Variants in USP3 observed in about 807,000 individuals in gnomAD.
USP3 encodes ubiquitin carboxyl-terminal hydrolase 3.
In USP3, 20 loss-of-function variants were observed where a neutral mutation model predicts 72.3. That is an observed-to-expected ratio of 0.28 (90% CI 0.19 to 0.40). The LOEUF (loss-of-function observed/expected upper bound fraction) is 0.40. USP3 is among the 10% of genes least tolerant of loss of function. The pLI is 1.00. For synonymous variants in USP3, 222 were observed against 225.3 expected (o/e 0.99, Z 0.13); for missense variants, 479 against 633.9 (o/e 0.76, Z 2.62).
At chr15:63,521,801 G>C (rs937215573) in intron 1 of USP3, among the ~76,000 whole-genome samples, 3 of 152,142 alleles carry the variant, frequency 2.0e-5, no homozygotes, top group African/African-American at 7.2e-5. Flanking sequence ...ATGGCAGTAG[G>C]ACAAGACAAT....
At chr15:63,545,863 C>T (rs985633134) in intron 3 of USP3, among the ~76,000 whole-genome samples, 2 of 144,420 alleles carry the variant, frequency 1.4e-5, no homozygotes, top group South Asian at 2.2e-4. Context: ...CTCAGCTACT[C>T]GGGAGGCTGA....
At chr15:63,505,256 GC>G (rs1487660604) in intron 1 of USP3, among the ~76,000 whole-genome samples, 1 of 152,118 alleles carries the variant, frequency 6.6e-6, no homozygotes, top group Non-Finnish European at 1.5e-5. Context: ...GCGCTTCTCC[GC>G]AGACAGGGCG....
chr15:63,542,051 T>A, intron 3 of USP3: 1 of 985,306 alleles, frequency 1.0e-6, no homozygotes, highest in Non-Finnish European at 1.2e-6. Context: ...CCTCCTTGTT[T>A]CAGATGAGTG....
intron 1 of USP3, among the ~76,000 whole-genome samples, chr15:63,507,440 G>A (rs1056296699): frequency 8.5e-5 from 13 of 152,164 alleles, no homozygotes; most frequent in African/African-American, 2.4e-4. Flanking sequence ...TTGCTGTTAG[G>A]ATGAACAAGG....
At chr15:63,580,247 A>G (rs2066931315) in intron 11 of USP3, among the ~76,000 whole-genome samples, 1 of 152,176 alleles carries the variant, frequency 6.6e-6, no homozygotes, top group Non-Finnish European at 1.5e-5. Context: ...TTTGTGTAAG[A>G]TAAAAAACAT....
At chr15:63,562,258 A>G (rs1468596628) in intron 7 of USP3, among the ~76,000 whole-genome samples, 1 of 152,232 alleles carries the variant, frequency 6.6e-6, no homozygotes, top group Non-Finnish European at 1.5e-5. Context: ...CGTTCTATTC[A>G]TATGCGAGAA....
At chr15:63,549,597 T>A (rs2066406086) in intron 3 of USP3, among the ~76,000 whole-genome samples, 1 of 152,226 alleles carries the variant, frequency 6.6e-6, no homozygotes, top group Non-Finnish European at 1.5e-5. Flanking sequence ...TGCATGTTAA[T>A]TCATGTTGAA....
At chr15:63,569,642 GCTTT>G (rs932379472) in intron 8 of USP3, among the ~76,000 whole-genome samples, 3 of 152,086 alleles carry the variant, frequency 2.0e-5, no homozygotes, top group Admixed American at 1.3e-4. Flanking sequence ...ATATAGCAAT[GCTTT>G]CTTTATTTCA....
At chr15:63,541,733 G>T (rs143882914) in intron 3 of USP3, among the ~76,000 whole-genome samples, 1 of 152,222 alleles carries the variant, frequency 6.6e-6, no homozygotes, top group African/African-American at 2.4e-5. Context: ...TTTGAAATAG[G>T]TGAAGTCACT....
intron 1 of USP3, among the ~76,000 whole-genome samples, chr15:63,522,772 C>A (rs2065936392): frequency 6.6e-6 from 1 of 152,180 alleles, no homozygotes; most frequent in Admixed American, 6.5e-5. Context: ...AAGAACTTAG[C>A]ATCTTTGTTC....
chr15:63,589,242 C>T (rs765229063), intron 14 of USP3: 9 of 556,664 alleles, frequency 1.6e-5, no homozygotes, highest in African/African-American at 9.4e-5. Context: ...CCAGTATTTA[C>T]GACCCAGTCT....
intron 1 of USP3, among the ~76,000 whole-genome samples, chr15:63,512,343 CCTCCTCTTCCTCTTCT>C (rs1567089087): frequency 7.8e-4 from 57 of 73,060 alleles, no homozygotes; most frequent in Non-Finnish European, 1.6e-3. Context: ...TCCTCCTCTT[CCTCCTCTTCCTCTTCT>C]TCTTCTTTCT....
At chr15:63,581,345 TTGTGTGTGTGTG>T (rs59188081) in intron 11 of USP3, among the ~76,000 whole-genome samples, 3,283 of 130,120 alleles carry the variant, frequency 0.025, 62 homozygotes, top group South Asian at 0.035. Context: ...GTGTTGGTTT[TTGTGTGTGTGTG>T]TGTGTGTGTG....
chr15:63,505,228 T>C (rs2065694963), intron 1 of USP3, among the ~76,000 whole-genome samples: 1 of 152,004 alleles, frequency 6.6e-6, no homozygotes, highest in Non-Finnish European at 1.5e-5. Context: ...CGGCCGCACG[T>C]GTGGCGGGGC....
At chr15:63,551,127 A>G (rs966682285) in intron 3 of USP3, among the ~76,000 whole-genome samples, 1 of 152,220 alleles carries the variant, frequency 6.6e-6, no homozygotes, top group Admixed American at 6.5e-5. Flanking sequence ...AATTTTATCA[A>G]TTATTTTTTG....
intron 11 of USP3, among the ~76,000 whole-genome samples, chr15:63,579,358 T>C (rs1347504021): frequency 2.0e-5 from 3 of 152,196 alleles, no homozygotes; most frequent in Non-Finnish European, 4.4e-5. Flanking sequence ...GGTAGAAACA[T>C]AGCAGTGGGA....
At chr15:63,583,975 T>C (rs867557200) in intron 11 of USP3, among the ~76,000 whole-genome samples, 1 of 152,148 alleles carries the variant, frequency 6.6e-6, no homozygotes, top group African/African-American at 2.4e-5. Flanking sequence ...CTTTTGGGTA[T>C]ATACCTAAGA....
At chr15:63,536,006 G>A (rs1262390083) in intron 2 of USP3, among the ~76,000 whole-genome samples, 1 of 152,210 alleles carries the variant, frequency 6.6e-6, no homozygotes, top group Non-Finnish European at 1.5e-5. Context: ...TGACAGAATT[G>A]TGCAGTCTCT....
intron 5 of USP3, 182 bp downstream of exon 5, chr15:63,556,930 C>A: frequency 1.9e-6 from 1 of 517,520 alleles, no homozygotes; most frequent in Non-Finnish European, 3.5e-6. Context: ...CCAGTGAGTC[C>A]ATCTGTCAGC....
Sources: allele counts gnomAD v4.1 joint callset (sites outside exome capture counted in the v4.1 genomes callset), GRCh38; gene constraint gnomAD v4.1.1; transcripts MANE v1.5; gene names NCBI Gene and HGNC (gene_info 2026-07-23, HGNC 2026-07-21).